The following MBD5 variants were observed in gnomAD, a reference collection of about 807,000 sequenced individuals.
MBD5 encodes methyl-CpG-binding domain protein 5.
Under a neutral mutation model 117.3 loss-of-function variants are expected in MBD5, and 13 were observed. The observed-to-expected ratio is 0.11, with a 90% CI of 0.07 to 0.18. MBD5 has a LOEUF of 0.18. Ranked by LOEUF, MBD5 falls within the 10% of genes least tolerant of loss-of-function variation. MBD5 has a pLI of 1.00. For missense variants in MBD5, 1,879 were observed against 2,093.8 expected (o/e 0.90, Z 2.00); for synonymous variants, 727 against 766.4 (o/e 0.95, Z 0.85).
intron 4 of MBD5, among the ~76,000 whole-genome samples, chr2:148,360,931 G>C (rs1371562520): frequency 6.6e-6 from 1 of 152,058 alleles, no homozygotes; most frequent in East Asian, 1.9e-4. Context: ...GTTTTATTAT[G>C]AGTTTTCCCA....
At chr2:148,105,380 G>A in intron 1 of MBD5, among the ~76,000 whole-genome samples, 1 of 151,784 alleles carries the variant, frequency 6.6e-6, no homozygotes, top group East Asian at 1.9e-4. Flanking sequence ...CATCACACTG[G>A]GCTAATTTTT....
At chr2:148,159,910 T>C (rs1697965999) in intron 1 of MBD5, among the ~76,000 whole-genome samples, 1 of 152,218 alleles carries the variant, frequency 6.6e-6, no homozygotes, top group Non-Finnish European at 1.5e-5. Context: ...GAACTTGCAC[T>C]GGCTTTAGTA....
intron 4 of MBD5, among the ~76,000 whole-genome samples, chr2:148,411,427 C>T (rs1433669389): frequency 6.6e-6 from 1 of 150,928 alleles, no homozygotes; most frequent in African/African-American, 2.4e-5. Flanking sequence ...CACCATACTG[C>T]TTTCCACAAT....
Position 148,061,534 on chromosome 2 carries a change from A to T in MBD5, c.-925+39850A>T, listed in dbSNP as rs192124651. On this transcript the variant is annotated intron_variant, in intron 1 of 13. Transcript: ENST00000642680. ...GTTTTCATATTATTAAAAATTGTCAAATGTAATATTCCTTTATATGTGTAC... is the reference window on the plus strand; with the variant it reads ...GTTTTCATATTATTAAAAATTGTCATATGTAATATTCCTTTATATGTGTAC... 1.1e-4 allele frequency among the ~76,000 whole-genome samples: 16 copies of T among 152,114 alleles called. No individual in the cohort carries two copies. The South Asian group carries it at 1.4e-3, about 14-fold the overall frequency.
chr2:148,366,630 C>G (rs1355573160), intron 4 of MBD5, among the ~76,000 whole-genome samples: 1 of 152,148 alleles, frequency 6.6e-6, no homozygotes, highest in Non-Finnish European at 1.5e-5. Context: ...TCAGCAAAGT[C>G]TCAGGATACA....
intron 4 of MBD5, among the ~76,000 whole-genome samples, chr2:148,351,228 T>G (rs1703242725): frequency 6.6e-6 from 1 of 151,982 alleles, no homozygotes; most frequent in Non-Finnish European, 1.5e-5. Flanking sequence ...TTTTCATCAC[T>G]CCAAAAAGAA....
chr2:148,281,856 T>C (rs571617955), intron 3 of MBD5, among the ~76,000 whole-genome samples: 2 of 152,300 alleles, frequency 1.3e-5, no homozygotes, highest in East Asian at 3.9e-4. Flanking sequence ...AATCACATCT[T>C]AGTGCCATTT....
intron 3 of MBD5, among the ~76,000 whole-genome samples, chr2:148,269,719 G>A (rs1574220309): frequency 1.4e-5 from 2 of 140,718 alleles, no homozygotes; most frequent in East Asian, 4.2e-4. Flanking sequence ...AGGACTTTCA[G>A]TCTGAAGTCT....
chr2:148,030,043 G>C (rs1332868452), intron 1 of MBD5, among the ~76,000 whole-genome samples: 1 of 152,116 alleles, frequency 6.6e-6, no homozygotes, highest in East Asian at 1.9e-4. Context: ...GGCCAAGGTG[G>C]GTGGATTGCT....
At chr2:148,290,929 T>C (rs1046922945) in intron 3 of MBD5, among the ~76,000 whole-genome samples, 2 of 152,216 alleles carry the variant, frequency 1.3e-5, no homozygotes, top group African/African-American at 4.8e-5. Context: ...TTTGAGAGAC[T>C]GTCAGGCTCT....
chr2:148,337,110 C>A (rs1454520502), intron 3 of MBD5, among the ~76,000 whole-genome samples: 1 of 152,164 alleles, frequency 6.6e-6, no homozygotes, highest in Non-Finnish European at 1.5e-5. Flanking sequence ...AACTACCTTT[C>A]TTAGCCTTTG....
At chr2:148,431,027 G>A (rs1010619360) in intron 4 of MBD5, among the ~76,000 whole-genome samples, 3 of 152,018 alleles carry the variant, frequency 2.0e-5, no homozygotes, top group African/African-American at 7.2e-5. Flanking sequence ...TACACATAAT[G>A]TAACATAAAA....
In MBD5 at chr2:148,510,166, G is replaced by A. The variant is rs747491579; in HGVS notation, c.5112+31G>A. On this transcript the variant is annotated intron_variant, in intron 13 of 13. Transcript: ENST00000642680. ...TTAATTTATTTTTCCATTATACTAC[G>A]TTTCTTTGAAAATAAATTGTGTTAC... 19 of 1,499,566 alleles carry A rather than the reference G, an allele frequency of 1.3e-5. No homozygotes were observed. The South Asian group carries it at 1.4e-4, about 11-fold the overall frequency. 92.9% of individuals were successfully genotyped at this position (1,499,566 alleles called of 1,614,324 possible).
intron 3 of MBD5, chr2:148,243,598 G>T (rs924325706): frequency 5.9e-5 from 9 of 151,284 alleles, no homozygotes; most frequent in African/African-American, 2.2e-4. Context: ...TTGTGTGAGG[G>T]TTTTTTTTAA....
chr2:148,384,611 C>G (rs922260413), intron 4 of MBD5, among the ~76,000 whole-genome samples: 1 of 152,116 alleles, frequency 6.6e-6, no homozygotes, highest in African/African-American at 2.4e-5. Flanking sequence ...GAAAAAACTA[C>G]TTGAAAGTTC....
At chr2:148,429,773 A>C (rs770527948) in intron 4 of MBD5, among the ~76,000 whole-genome samples, 29 of 152,232 alleles carry the variant, frequency 1.9e-4, no homozygotes, top group Middle Eastern at 3.4e-3. Context: ...ATATGTTCTC[A>C]CTCATAAGTG....
intron 2 of MBD5, among the ~76,000 whole-genome samples, chr2:148,207,087 A>G (rs955900486): frequency 5.1e-4 from 78 of 152,150 alleles, no homozygotes; most frequent in African/African-American, 1.8e-3. Context: ...CCAGAATACA[A>G]CAAGTTAAAA....
At chr2:148,106,773 A>G (rs1449923618) in intron 1 of MBD5, among the ~76,000 whole-genome samples, 1 of 152,032 alleles carries the variant, frequency 6.6e-6, no homozygotes, top group Non-Finnish European at 1.5e-5. Flanking sequence ...GCATACTTTT[A>G]CTATCTAACC....
intron 2 of MBD5, among the ~76,000 whole-genome samples, chr2:148,220,912 C>A (rs1281868350): frequency 6.6e-6 from 1 of 152,040 alleles, no homozygotes; most frequent in Admixed American, 6.6e-5. Flanking sequence ...CATTAACCAT[C>A]CCCACGTATC....
Sources: gnomAD v4.1 joint callset for allele counts (sites outside exome capture counted in the v4.1 genomes callset) on GRCh38, gnomAD v4.1.1 for gene constraint, MANE v1.5 for transcripts, NCBI Gene and HGNC (gene_info 2026-07-23, HGNC 2026-07-21) for gene names.